The following TNFRSF19 variants were observed in gnomAD, a reference collection of about 807,000 sequenced individuals.
TNFRSF19 encodes TNF receptor superfamily member 19.
TNFRSF19 carries 27 observed loss-of-function variants against 46.4 expected under a neutral mutation model. The ratio of observed to expected loss-of-function variants is 0.58; its 90% CI spans 0.43 to 0.80. TNFRSF19 has a LOEUF of 0.80. TNFRSF19 is among the 30% of genes least tolerant of loss of function. TNFRSF19 has a pLI of 0.00. For synonymous variants in TNFRSF19, 204 were observed against 205.0 expected, an observed-to-expected ratio of 1.00 and a Z score of 0.04; for missense variants, 511 against 530.8, an observed-to-expected ratio of 0.96 and a Z score of 0.37.
rs1424600983 is a variant in TNFRSF19 at position 23,628,846 on chromosome 13, G to A, written c.445+2054G>A. Among the ~76,000 whole-genome samples, 3 of 152,098 alleles carry A rather than the reference G, an allele frequency of 2.0e-5. No individual in the cohort carries two copies. The East Asian group carries it at 5.8e-4, about 29-fold the overall frequency. On this transcript the variant is annotated intron_variant, in intron 5 of 9. Transcript: ENST00000248484. ...CTTTTTAGAAAGCAAGGAAGAATAAGCTATTTGTCAAAGTAAAACTTGCAG... is the reference window on the plus strand; with the variant it reads ...CTTTTTAGAAAGCAAGGAAGAATAAACTATTTGTCAAAGTAAAACTTGCAG...
Position 23,584,825 on chromosome 13 carries a change from T to A in TNFRSF19, c.-34-5325T>A, listed in dbSNP as rs143499444. Among the ~76,000 whole-genome samples the A allele has an allele frequency of 8.9e-3, 1,349 of 152,300 alleles. 8 individuals carry two copies. Among genetic ancestry groups the A allele is most frequent in the Non-Finnish European group, 0.015 (992 of 68,018 alleles). Reference sequence around the variant, plus strand: ...TACGTATATTCTTAGCACACCTTTGTGAGTTCCTAGGCTACAAAGAGATCT... The same window carrying A: ...TACGTATATTCTTAGCACACCTTTGAGAGTTCCTAGGCTACAAAGAGATCT... On this transcript the variant is annotated intron_variant, in intron 1 of 9. Coordinates refer to ENST00000248484, the MANE Select transcript of TNFRSF19 (RefSeq NM_148957.4).
intron 4 of TNFRSF19, among the ~76,000 whole-genome samples, chr13:23,618,859 C>T (rs1659569280): frequency 6.6e-6 from 1 of 152,082 alleles, no homozygotes; most frequent in Non-Finnish European, 1.5e-5. Flanking sequence ...CATGATGGGC[C>T]CTCCCCTCAC....
chr13:23,597,459 C>T (rs1168700733), intron 3 of TNFRSF19, among the ~76,000 whole-genome samples: 2 of 152,134 alleles, frequency 1.3e-5, no homozygotes, highest in African/African-American at 4.8e-5. Context: ...TCAGAGAATA[C>T]TATAAACACC....
intron 7 of TNFRSF19, among the ~76,000 whole-genome samples, chr13:23,665,669 A>G (rs1170511049): frequency 1.3e-5 from 2 of 152,132 alleles, no homozygotes; most frequent in African/African-American, 4.8e-5. Flanking sequence ...ATTCAGTTGC[A>G]AATATGATGT....
At chr13:23,617,565 A>G (rs1217008005) in intron 4 of TNFRSF19, among the ~76,000 whole-genome samples, 1 of 152,216 alleles carries the variant, frequency 6.6e-6, no homozygotes, top group Non-Finnish European at 1.5e-5. Flanking sequence ...TAATGGAGAT[A>G]GAGTGGAGCC....
At chr13:23,614,742 AATACATATAT>A (rs1566185833) in intron 3 of TNFRSF19, among the ~76,000 whole-genome samples, 1 of 75,278 alleles carries the variant, frequency 1.3e-5, no homozygotes. Flanking sequence ...GTGGATAAGT[AATACATATAT>A]ATATATATAT....
chr13:23,667,417 G>A (rs1017630265), intron 7 of TNFRSF19, among the ~76,000 whole-genome samples: 2 of 152,090 alleles, frequency 1.3e-5, no homozygotes, highest in Non-Finnish European at 2.9e-5. Flanking sequence ...TAGAGGGTTC[G>A]AACATTCATG....
rs144193228 is a variant in TNFRSF19 at position 23,661,358 on chromosome 13, C to A, written c.736+868C>A. On this transcript the variant is annotated intron_variant, in intron 7 of 9. Transcript: ENST00000248484. ...GCCTCCAGCTCCATCCATGTTCCCA[C>A]AAAAGACACGATCTCATCCCTTTTT... Among the ~76,000 whole-genome samples, 951 of 152,330 alleles carry A rather than the reference C, an allele frequency of 6.2e-3. 11 individuals are homozygous for A. Among genetic ancestry groups the A allele is most frequent in the African/African-American group, 0.022 (910 of 41,570 alleles).
In TNFRSF19 at chr13:23,674,052, T is replaced by TGAACACCCGCTGATCTCAGGA. The variant is rs1386088892; in HGVS notation, c.*680_*700dup. 1.3e-5 allele frequency: 2 copies of TGAACACCCGCTGATCTCAGGA among 152,186 alleles called. No homozygotes were observed. The highest frequency in any genetic ancestry group is 4.8e-5 in the African/African-American group (2 of 41,444). The allele number at this position is 152,186 out of a possible 1,614,324, so 9.4% of individuals were successfully genotyped here. The stretch of plus-strand genomic sequence containing the variant: ...ACTTCTGACCTCAGCCTCGGTCTCA[T>TGAACACCCGCTGATCTCAGGA]GAACACCCGCTGATCTCAGGAGAAC... On this transcript the variant is annotated 3_prime_UTR_variant, in exon 10 of 10. Coordinates refer to ENST00000248484, the MANE Select transcript of TNFRSF19 (RefSeq NM_148957.4).
rs547684034 is a variant in TNFRSF19 at position 23,573,948 on chromosome 13, G to A, written c.-35+3100G>A. On this transcript the variant is annotated intron_variant, in intron 1 of 9. Coordinates refer to ENST00000248484, the MANE Select transcript of TNFRSF19 (RefSeq NM_148957.4). ...AAGGTGGCAGGCGCCTGTAGTCCCAGCTACTTGGGAGGCTGAGGCAGAAAA... is the reference window on the plus strand; with the variant it reads ...AAGGTGGCAGGCGCCTGTAGTCCCAACTACTTGGGAGGCTGAGGCAGAAAA... 1.1e-4 allele frequency among the ~76,000 whole-genome samples: 17 copies of A among 151,654 alleles called. No individual in the cohort carries two copies. In the South Asian group the frequency reaches 3.3e-3, roughly 30 times the overall value.
At chr13:23,619,834 C>G (rs189955785) in intron 4 of TNFRSF19, among the ~76,000 whole-genome samples, 12 of 152,274 alleles carry the variant, frequency 7.9e-5, no homozygotes, top group African/African-American at 2.6e-4. Flanking sequence ...TGACCTAGGA[C>G]TGGGATTTTA....
intron 7 of TNFRSF19, among the ~76,000 whole-genome samples, chr13:23,664,184 A>T (rs752567588): frequency 5.9e-5 from 9 of 152,058 alleles, no homozygotes; most frequent in Non-Finnish European, 1.3e-4. Flanking sequence ...TGTCCCAGAG[A>T]TTCTGGAATG....
chr13:23,597,512 T>A (rs2138200446), intron 3 of TNFRSF19, among the ~76,000 whole-genome samples: 1 of 152,264 alleles, frequency 6.6e-6, no homozygotes, highest in South Asian at 2.1e-4. Context: ...ATTGATAAAT[T>A]CCTGGACACA....
intron 1 of TNFRSF19, among the ~76,000 whole-genome samples, chr13:23,581,132 C>CTT (rs746641461): frequency 0.08 from 11,469 of 143,628 alleles, 662 homozygotes; most frequent in East Asian, 0.29. Flanking sequence ...TTTTTCTTTT[C>CTT]TTTTTTTTTT....
At chr13:23,604,482 A>G (rs1373448965) in intron 3 of TNFRSF19, among the ~76,000 whole-genome samples, 1 of 152,196 alleles carries the variant, frequency 6.6e-6, no homozygotes, top group African/African-American at 2.4e-5. Context: ...CCAGCAAGTT[A>G]TTTTGTAGAT....
At chr13:23,668,648 T>C in intron 8 of TNFRSF19, 44 bp from the exon 9 acceptor site, 1 of 1,558,360 alleles carries the variant, frequency 6.4e-7, no homozygotes, top group African/African-American at 1.4e-5. Context: ...AGTAGTGTTT[T>C]TCTCCCCATC....
intron 5 of TNFRSF19, among the ~76,000 whole-genome samples, chr13:23,652,164 G>A (rs771520501): frequency 6.6e-6 from 1 of 152,116 alleles, no homozygotes; most frequent in East Asian, 1.9e-4. Flanking sequence ...GACAAATATA[G>A]GTTCCTGTGG....
chr13:23,585,040 G>A (rs1269317565), intron 1 of TNFRSF19, among the ~76,000 whole-genome samples: 5 of 151,886 alleles, frequency 3.3e-5, no homozygotes, highest in African/African-American at 1.2e-4. Flanking sequence ...ATTATGTTGT[G>A]CCATTAAAAT....
At chr13:23,656,803 C>T (rs1156736264) in intron 5 of TNFRSF19, among the ~76,000 whole-genome samples, 1 of 152,168 alleles carries the variant, frequency 6.6e-6, no homozygotes, top group East Asian at 1.9e-4. Flanking sequence ...GTCACTTCCC[C>T]TTCTCTGTGG....
Sources: allele counts gnomAD v4.1 joint callset (sites outside exome capture counted in the v4.1 genomes callset), GRCh38; gene constraint gnomAD v4.1.1; transcripts MANE v1.5; gene names NCBI Gene and HGNC (gene_info 2026-07-23, HGNC 2026-07-21).